PACRGL: variants seen among roughly 807,000 people sequenced by gnomAD.
PACRGL encodes the protein PACRG-like protein.
A neutral mutation model predicts 34.5 loss-of-function variants in PACRGL; 38 were observed. The observed-to-expected ratio is 1.10, with a 90% CI of 0.85 to 1.44. The LOEUF (loss-of-function observed/expected upper bound fraction) is 1.44. Ranked by LOEUF, PACRGL falls within the 40% of genes most tolerant of loss-of-function variation. PACRGL has a pLI of 0.00. For synonymous variants in PACRGL, 128 were observed against 100.1 expected, an observed-to-expected ratio of 1.28 and a Z score of -1.66; for missense variants, 305 against 281.4, an observed-to-expected ratio of 1.08 and a Z score of -0.60.
At position 20,731,561 on chromosome 4, in the gene PACRGL, C is replaced by G. The variant is rs1384152695; in HGVS notation, c.*4220C>G. 1 of 985,260 alleles carries G rather than the reference C, an allele frequency of 1.0e-6. No homozygotes were observed. The highest frequency in any genetic ancestry group is 6.2e-5 in the Admixed American group (1 of 16,244). 61.0% of individuals were successfully genotyped at this position (985,260 alleles called of 1,614,324 possible). A position where few individuals can be genotyped will look rare whatever the true frequency, so the allele number is the denominator to read the frequency against. ...AAGAGCCATTTCTTGTCCACATACA[C>G]TAAAACAATGACTTTTCTCTTAGAA... On this transcript the variant is annotated 3_prime_UTR_variant, in exon 9 of 9. Transcript: ENST00000503585.
At chr4:20,765,683 G>C in the PACRGL span, among the ~76,000 whole-genome samples, 2 of 152,238 alleles carry the variant, frequency 1.3e-5, no homozygotes, top group African/African-American at 4.8e-5. Context: ...TCTGCTGGCT[G>C]GTATACTTAT....
chr4:20,713,918 C>T (rs1231292558), intron 7 of PACRGL, among the ~76,000 whole-genome samples: 1 of 152,194 alleles, frequency 6.6e-6, no homozygotes, highest in East Asian at 1.9e-4. Flanking sequence ...TTACTTCCAA[C>T]TATGTGGTCA....
chr4:20,736,720 G>A (rs183729763), downstream of PACRGL, among the ~76,000 whole-genome samples: 1,060 of 152,200 alleles, frequency 7.0e-3, 12 homozygotes, highest in African/African-American at 0.024. Context: ...TCATGGTAAA[G>A]AATTATACAA....
chr4:20,700,889 C>T (rs1731856650), intron 1 of PACRGL, 102 bp downstream of exon 1: 1 of 152,186 alleles, frequency 6.6e-6, no homozygotes, highest in Non-Finnish European at 1.5e-5. Context: ...TGGCTCTGGA[C>T]TGGTCTTTAA....
the PACRGL span, among the ~76,000 whole-genome samples, chr4:20,758,130 G>T: frequency 1.3e-5 from 2 of 152,096 alleles, no homozygotes; most frequent in Non-Finnish European, 2.9e-5. Flanking sequence ...AATATAAGTT[G>T]GGCATCTGTT....
intron 8 of PACRGL, among the ~76,000 whole-genome samples, chr4:20,742,053 G>A (rs900312863): frequency 2.0e-5 from 3 of 152,056 alleles, no homozygotes; most frequent in African/African-American, 7.3e-5. Flanking sequence ...CCAATAACAG[G>A]CTCTGAAATT....
chr4:20,719,337 G>C (rs1359345639), intron 7 of PACRGL, among the ~76,000 whole-genome samples: 1 of 152,068 alleles, frequency 6.6e-6, no homozygotes, highest in Non-Finnish European at 1.5e-5. Context: ...CTTCAATTCT[G>C]CTCTGATCTT....
chr4:20,725,965 T>G (rs1745452551), intron 8 of PACRGL, among the ~76,000 whole-genome samples: 1 of 152,160 alleles, frequency 6.6e-6, no homozygotes, highest in Non-Finnish European at 1.5e-5. Context: ...TCTTGCTTGC[T>G]CTTCTGAGAA....
rs181036504 is a variant in PACRGL at position 20,711,360 on chromosome 4, G to C, written c.367-1428G>C. 4.2e-3 allele frequency among the ~76,000 whole-genome samples: 644 copies of C among 151,988 alleles called. 7 individuals carry two copies. The highest frequency in any genetic ancestry group is 0.012 in the Admixed American group (176 of 15,252). On this transcript the variant is annotated intron_variant, in intron 5 of 8. Transcript: ENST00000503585. ...TGAGTAGATTTTTATCTTTCTCCTG[G>C]CCTCATTTACTAACAGATAAGTAGT...
chr4:20,727,380 ACGT>A lies in PACRGL; in HGVS notation c.*40_*42del. ...CAAAAATTGTTTTTTCTACCTGTTG[ACGT>A]GTCAAGCACTAACTGTGGGTACTCA... On this transcript the variant is annotated 3_prime_UTR_variant, in exon 9 of 9. Coordinates refer to ENST00000503585, the MANE Select transcript of PACRGL (RefSeq NM_001258345.3). 6.6e-7 allele frequency: 1 copy of A among 1,515,782 alleles called. No homozygotes were observed. Among genetic ancestry groups the A allele is most frequent in the Non-Finnish European group, 9.2e-7 (1 of 1,091,156 alleles). 93.9% of individuals were successfully genotyped at this position (1,515,782 alleles called of 1,614,324 possible). A position where few individuals can be genotyped will look rare whatever the true frequency, so the allele number is the denominator to read the frequency against.
rs574636550 is a variant in PACRGL, at chr4:20,743,929, A to T, written c.*57-8636A>T. On this transcript the variant is annotated intron_variant, in intron 8 of 8. Transcript: ENST00000507634. ...GAAATTAAATTTACAAGAAAAAAAA[A>T]AACCCTTCAAAAAGTGGGCAAAGGA... 3.9e-3 allele frequency among the ~76,000 whole-genome samples: 594 copies of T among 152,046 alleles called. 6 individuals carry two copies. Among genetic ancestry groups the T allele is most frequent in the African/African-American group, 0.013 (558 of 41,526 alleles).
intron 7 of PACRGL, chr4:20,716,209 T>C: frequency 1.1e-6 from 1 of 921,938 alleles, no homozygotes; most frequent in East Asian, 2.6e-5. Flanking sequence ...TGTTATGGTT[T>C]CTTACAACAC....
chr4:20,700,830 C>T (rs550522526), intron 1 of PACRGL, 43 bp downstream of exon 1: 50 of 152,388 alleles, frequency 3.3e-4, no homozygotes, highest in African/African-American at 1.1e-3. Context: ...TCTGTTTTTT[C>T]TTTATTTTTT....
Position 20,724,818 on chromosome 4 carries a change from G to T in PACRGL, c.620G>T (p.Arg207Ile), listed in dbSNP as rs1449183282. The change falls in exon 8 of 9, where the codon AGA becomes ATA. Residue 207 changes from arginine to isoleucine, a missense_variant. By Grantham distance (97) the Arg-to-Ile change is moderately conservative. Coordinates refer to ENST00000503585, the MANE Select transcript of PACRGL (RefSeq NM_001258345.3). ...ATCTTACTTTAAAAGCTTTCCAAGA[G>T]ATTAATGGACAAGAAATTCAAAGAG... ...LKHLLTSLSK[R>I]LMDKKFKEPI... 3 of 1,486,940 alleles carry T rather than the reference G, an allele frequency of 2.0e-6. No homozygotes were observed. The highest frequency in any genetic ancestry group is 1.3e-5 in the South Asian group (1 of 74,702). 92.1% of individuals were successfully genotyped at this position (1,486,940 alleles called of 1,614,324 possible).
downstream of PACRGL, among the ~76,000 whole-genome samples, chr4:20,733,521 A>T (rs150589862): frequency 6.6e-6 from 1 of 151,498 alleles, no homozygotes; most frequent in South Asian, 2.3e-4. Context: ...AGAGTATTCA[A>T]TTATAAATGA....
intron 5 of PACRGL, among the ~76,000 whole-genome samples, chr4:20,712,231 ATTTCT>A (rs1182195157): frequency 3.7e-5 from 5 of 133,338 alleles, no homozygotes; most frequent in Non-Finnish European, 8.1e-5. Context: ...CCTGTTTTCC[ATTTCT>A]TTTCTTTTCC....
intron 7 of PACRGL, 26 bp downstream of exon 7, chr4:20,713,565 G>T (rs1208268925): frequency 1.9e-6 from 3 of 1,540,422 alleles, no homozygotes; most frequent in Middle Eastern, 1.7e-4. Flanking sequence ...ATTAGATAAT[G>T]ATTGACTGTA....
downstream of PACRGL, among the ~76,000 whole-genome samples, chr4:20,734,004 G>C (rs1326356367): frequency 6.6e-6 from 1 of 152,168 alleles, no homozygotes; most frequent in Non-Finnish European, 1.5e-5. Context: ...GAGGCAAAGA[G>C]AGACAGGACA....
At chr4:20,747,624 C>T (rs1752649211) in intron 8 of PACRGL, among the ~76,000 whole-genome samples, 1 of 152,102 alleles carries the variant, frequency 6.6e-6, no homozygotes, top group Non-Finnish European at 1.5e-5. Context: ...TAGTTCATTC[C>T]CTCACCTTAG....
Sources: gnomAD v4.1 joint callset for allele counts (sites outside exome capture counted in the v4.1 genomes callset) on GRCh38, gnomAD v4.1.1 for gene constraint, MANE v1.5 for transcripts, NCBI Gene and HGNC (gene_info 2026-07-23, HGNC 2026-07-21) for gene names.